PTPRN2: variants seen among roughly 807,000 people sequenced by gnomAD.
PTPRN2 encodes the protein protein tyrosine phosphatase receptor type N2.
Under a neutral mutation model 118.8 loss-of-function variants are expected in PTPRN2, and 74 were observed. The observed-to-expected ratio is 0.62, with a 90% CI of 0.52 to 0.76. The LOEUF is 0.76. Among genes scored for constraint, PTPRN2 ranks in the 30% least tolerant of loss-of-function variants. PTPRN2 has a pLI of 0.00. For synonymous variants in PTPRN2, 641 were observed against 608.0 expected (o/e 1.05, Z -0.80); for missense variants, 1,481 against 1,394.4 (o/e 1.06, Z -0.99).
chr7:158,382,205 G>A (rs1351749622), intron 2 of PTPRN2, among the ~76,000 whole-genome samples: 1 of 152,086 alleles, frequency 6.6e-6, no homozygotes, highest in African/African-American at 2.4e-5. Context: ...ACAGCCTCAT[G>A]ACTCCAACTC....
rs572938269 is a variant in PTPRN2 at position 157,706,895 on chromosome 7, ACCACATC to A, written c.1789-23965_1789-23959del. 7.3e-5 allele frequency among the ~76,000 whole-genome samples: 11 copies of A among 151,500 alleles called. No homozygotes were observed. The South Asian group carries it at 2.3e-3, about 32-fold the overall frequency. Reference sequence around the variant, plus strand: ...CCCAGTATCTTCCAGATCAATGTGGACCACATCCCTCCAGAATGCCGGGAACTGAGCA... The same window carrying A: ...CCCAGTATCTTCCAGATCAATGTGGACCTCCAGAATGCCGGGAACTGAGCA... On this transcript the variant is annotated intron_variant, in intron 12 of 22. Coordinates refer to ENST00000389418, the MANE Select transcript of PTPRN2 (RefSeq NM_002847.5).
intron 13 of PTPRN2, among the ~76,000 whole-genome samples, chr7:157,663,552 T>G (rs1795998822): frequency 6.6e-6 from 1 of 152,216 alleles, no homozygotes; most frequent in Admixed American, 6.5e-5. Flanking sequence ...TCCCACTCAC[T>G]GTGGCCTGCC....
chr7:157,736,730 T>C (rs1200856225), intron 12 of PTPRN2, among the ~76,000 whole-genome samples: 2 of 148,482 alleles, frequency 1.3e-5, no homozygotes, highest in African/African-American at 4.8e-5. Context: ...AGGCTTGGTG[T>C]CCGCCCCTGG....
chr7:158,382,624 T>C (rs936972687), intron 2 of PTPRN2, among the ~76,000 whole-genome samples: 12 of 152,092 alleles, frequency 7.9e-5, no homozygotes, highest in African/African-American at 2.7e-4. Context: ...CTGCTGCCTG[T>C]CAGATCAGCG....
chr7:158,123,394 G>A (rs1817335608), intron 9 of PTPRN2, among the ~76,000 whole-genome samples: 1 of 152,152 alleles, frequency 6.6e-6, no homozygotes, highest in South Asian at 2.1e-4. Flanking sequence ...CCGACGCCAT[G>A]GTGACCGACG....
chr7:158,567,911 G>A (rs1325263057), intron 1 of PTPRN2, among the ~76,000 whole-genome samples: 1 of 152,182 alleles, frequency 6.6e-6, no homozygotes, highest in Non-Finnish European at 1.5e-5. Context: ...AATGACCAAC[G>A]TGCTAACGAC....
At chr7:158,308,908 A>T (rs952836668) in intron 3 of PTPRN2, among the ~76,000 whole-genome samples, 53 of 152,282 alleles carry the variant, frequency 3.5e-4, no homozygotes, top group African/African-American at 1.2e-3. Context: ...TGAAGACATG[A>T]ACTACTGAAG....
intron 3 of PTPRN2, among the ~76,000 whole-genome samples, chr7:158,256,049 T>C (rs1280556394): frequency 3.3e-5 from 5 of 152,208 alleles, no homozygotes; most frequent in Middle Eastern, 3.2e-3. Flanking sequence ...GATGCCGTGA[T>C]CAGAACCCTG....
intron 10 of PTPRN2, among the ~76,000 whole-genome samples, chr7:158,084,248 G>A (rs889349188): frequency 6.8e-4 from 104 of 152,258 alleles, no homozygotes; most frequent in African/African-American, 2.5e-3. Flanking sequence ...AGAAGAACTT[G>A]CCCTGGCATT....
At chr7:157,927,438 C>T (rs1158134331) in intron 11 of PTPRN2, among the ~76,000 whole-genome samples, 2 of 118,288 alleles carry the variant, frequency 1.7e-5, no homozygotes, top group Admixed American at 9.1e-5. Context: ...TCTTCTGGGA[C>T]CCCAAGACAG....
chr7:158,278,529 T>G (rs534327032), intron 3 of PTPRN2, among the ~76,000 whole-genome samples: 1 of 152,104 alleles, frequency 6.6e-6, no homozygotes, highest in Non-Finnish European at 1.5e-5. Context: ...ACTGAAATTC[T>G]CTCTCGAAAC....
chr7:157,945,674 G>A (rs989145126), intron 11 of PTPRN2, among the ~76,000 whole-genome samples: 25 of 150,492 alleles, frequency 1.7e-4, no homozygotes, highest in African/African-American at 4.2e-4. Context: ...CAGCTTGGAC[G>A]ATGCCGCCTC....
chr7:157,569,286 G>A (rs1799644933), intron 20 of PTPRN2, among the ~76,000 whole-genome samples: 1 of 152,248 alleles, frequency 6.6e-6, no homozygotes, highest in Non-Finnish European at 1.5e-5. Context: ...TGAACTAAGC[G>A]TTTGACTGTG....
intron 12 of PTPRN2, among the ~76,000 whole-genome samples, chr7:157,719,959 T>C (rs752213683): frequency 1.1e-4 from 17 of 150,986 alleles, no homozygotes; most frequent in Admixed American, 1.3e-4. Context: ...TGTGGGGTCA[T>C]ACAGATAAAT....
intron 3 of PTPRN2, among the ~76,000 whole-genome samples, chr7:158,236,540 C>A (rs559959755): frequency 6.6e-6 from 1 of 152,264 alleles, no homozygotes; most frequent in South Asian, 2.1e-4. Flanking sequence ...CAGTCTGATC[C>A]CAGTCTGACA....
chr7:157,840,381 A>G (rs796175863), intron 12 of PTPRN2, among the ~76,000 whole-genome samples: 296 of 91,926 alleles, frequency 3.2e-3, no homozygotes, highest in Admixed American at 5.8e-3. Flanking sequence ...TGACTGTGTG[A>G]CCGCGTGTGA....
intron 1 of PTPRN2, among the ~76,000 whole-genome samples, chr7:158,553,364 G>A (rs1208031266): frequency 6.7e-6 from 1 of 149,706 alleles, no homozygotes; most frequent in African/African-American, 2.5e-5. Context: ...GACCTTCCCT[G>A]TGTATATGCA....
intron 2 of PTPRN2, among the ~76,000 whole-genome samples, chr7:158,473,740 ACTGT>A (rs774138937): frequency 2.0e-5 from 3 of 152,180 alleles, no homozygotes; most frequent in Non-Finnish European, 4.4e-5. Context: ...CAGCCATCCA[ACTGT>A]CTAACAGTCA....
intron 11 of PTPRN2, among the ~76,000 whole-genome samples, chr7:158,064,855 G>A (rs552188744): frequency 6.6e-6 from 1 of 152,280 alleles, no homozygotes; most frequent in African/African-American, 2.4e-5. Flanking sequence ...GGTGTCCCTG[G>A]GGAAAGGAGT....
Sources: allele counts gnomAD v4.1 joint callset (sites outside exome capture counted in the v4.1 genomes callset), GRCh38; gene constraint gnomAD v4.1.1; transcripts MANE v1.5; gene names NCBI Gene and HGNC (gene_info 2026-07-23, HGNC 2026-07-21).